Variants in C2CD3 observed in about 807,000 individuals in gnomAD.
C2CD3 encodes C2 domain-containing protein 3.
In C2CD3, 148 loss-of-function variants were observed where a neutral mutation model predicts 234.0. The observed-to-expected ratio is 0.63, with a 90% CI of 0.55 to 0.72. The LOEUF is 0.72. Among genes scored for constraint, C2CD3 ranks in the 30% least tolerant of loss-of-function variants. The pLI, the probability that C2CD3 is intolerant of heterozygous loss-of-function variation, is 0.00. For missense variants in C2CD3, 2,577 were observed against 2,811.5 expected (o/e 0.92, Z 1.89); for synonymous variants, 1,000 against 1,035.4 (o/e 0.97, Z 0.66).
At chr11:74,083,758 A>G (rs527946620) in intron 22 of C2CD3, among the ~76,000 whole-genome samples, 1 of 152,298 alleles carries the variant, frequency 6.6e-6, no homozygotes, top group African/African-American at 2.4e-5. Context: ...ATCTCACACC[A>G]ATTAGAATGG....
intron 16 of C2CD3, among the ~76,000 whole-genome samples, chr11:74,096,349 T>C (rs1057021751): frequency 3.3e-5 from 5 of 152,132 alleles, no homozygotes; most frequent in Admixed American, 6.5e-5. Flanking sequence ...TAACTACTAA[T>C]CCAAAAAATC....
At chr11:74,060,608 C>G (rs1054885575) in intron 24 of C2CD3, among the ~76,000 whole-genome samples, 1 of 152,146 alleles carries the variant, frequency 6.6e-6, no homozygotes, top group African/African-American at 2.4e-5. Flanking sequence ...ACACCAAAAC[C>G]CCATGTGGAC....
chr11:74,125,345 T>C (rs1957375085), intron 7 of C2CD3, among the ~76,000 whole-genome samples: 5 of 152,190 alleles, frequency 3.3e-5, no homozygotes, highest in Admixed American at 3.3e-4. Flanking sequence ...TTAAAAATTT[T>C]TGTAGAGACT....
chr11:74,137,178 T>G lies in C2CD3; in HGVS notation c.955+1542A>C, dbSNP rs147222970. Among the ~76,000 whole-genome samples the G allele has an allele frequency of 9.9e-5, 15 of 152,078 alleles. No individual in the cohort carries two copies. In the East Asian group the frequency reaches 2.9e-3, roughly 30 times the overall value. On this transcript the variant is annotated intron_variant, in intron 5 of 32. Coordinates refer to ENST00000334126, the MANE Select transcript of C2CD3 (RefSeq NM_001286577.2). The stretch of plus-strand genomic sequence containing the variant: ...CTTCCTTTGCCAACCTATGTAAAAC[T>G]AACATCCCCTTCTCTCACCTTCCTG...
In C2CD3 at chr11:74,084,869, C is replaced by G. The variant is rs1955569938; in HGVS notation, c.4000+12G>C. 1 of 1,541,874 alleles carries G rather than the reference C, an allele frequency of 6.5e-7. No individual in the cohort carries two copies. The highest frequency in any genetic ancestry group is 9.0e-7 in the Non-Finnish European group (1 of 1,114,564). On this transcript the variant is annotated intron_variant, in intron 22 of 32. Transcript: ENST00000334126. ...AGGGTGGCATCAGAAAGTGATAATCCAGGATCCTTACCAGATCTCTTGATC... is the reference window on the plus strand; with the variant it reads ...AGGGTGGCATCAGAAAGTGATAATCGAGGATCCTTACCAGATCTCTTGATC...
chr11:74,089,803 G>A (rs560449413), intron 20 of C2CD3, among the ~76,000 whole-genome samples: 1 of 152,296 alleles, frequency 6.6e-6, no homozygotes, highest in Admixed American at 6.5e-5. Flanking sequence ...AACAGAATAT[G>A]TGCTACAACC....
intron 31 of C2CD3, 131 bp downstream of exon 31, chr11:74,033,219 TG>T: frequency 1.5e-6 from 1 of 676,472 alleles, no homozygotes; most frequent in Non-Finnish European, 2.5e-6. Context: ...GTCATGCAGG[TG>T]GGGTCTTCTG....
chr11:74,085,505 A>G (rs1412157296), intron 21 of C2CD3, 113 bp downstream of exon 21: 1 of 1,048,694 alleles, frequency 9.5e-7, no homozygotes, highest in Non-Finnish European at 1.4e-6. Context: ...TAAGTTGCAG[A>G]GATTATGACT....
intron 26 of C2CD3, among the ~76,000 whole-genome samples, chr11:74,050,898 T>C (rs943410938): frequency 5.9e-5 from 9 of 151,478 alleles, no homozygotes; most frequent in Non-Finnish European, 1.3e-4. Context: ...TGTGCCACAA[T>C]AGCAAATCTA....
At chr11:74,077,596 A>G (rs1955092634) in intron 23 of C2CD3, among the ~76,000 whole-genome samples, 1 of 151,208 alleles carries the variant, frequency 6.6e-6, no homozygotes. Flanking sequence ...ACATGGACAC[A>G]GGGAGGGGAA....
intron 24 of C2CD3, among the ~76,000 whole-genome samples, chr11:74,063,434 T>A (rs1373808141): frequency 6.6e-6 from 1 of 151,526 alleles, no homozygotes; most frequent in Non-Finnish European, 1.5e-5. Flanking sequence ...TCCACCATGA[T>A]CAAGTTGGCT....
chr11:74,039,167 T>G (rs1238215071), intron 29 of C2CD3, among the ~76,000 whole-genome samples: 1 of 152,078 alleles, frequency 6.6e-6, no homozygotes, highest in Non-Finnish European at 1.5e-5. Flanking sequence ...TGGGGTAGCT[T>G]TGGGAAATAA....
intron 3 of C2CD3, among the ~76,000 whole-genome samples, chr11:74,150,535 A>ATT (rs1233638287): frequency 1.1e-5 from 1 of 94,604 alleles, no homozygotes; most frequent in Non-Finnish European, 2.0e-5. Context: ...AACAAAACAA[A>ATT]TTTCTAAGCT....
intron 3 of C2CD3, among the ~76,000 whole-genome samples, chr11:74,147,378 C>T (rs1261185748): frequency 6.6e-6 from 1 of 152,130 alleles, no homozygotes. Context: ...GATCTAACCA[C>T]TGCATTCCAG....
intron 24 of C2CD3, among the ~76,000 whole-genome samples, chr11:74,070,060 C>T (rs1954724278): frequency 6.6e-6 from 1 of 152,168 alleles, no homozygotes. Flanking sequence ...GCTGATTTTA[C>T]TTTTTACTGA....
intron 23 of C2CD3, among the ~76,000 whole-genome samples, chr11:74,075,846 G>C (rs879848365): frequency 4.6e-5 from 7 of 152,202 alleles, no homozygotes; most frequent in Non-Finnish European, 1.0e-4. Flanking sequence ...AGGTTGGATG[G>C]ATGGCTTGAC....
intron 28 of C2CD3, among the ~76,000 whole-genome samples, chr11:74,043,466 G>C (rs1186762823): frequency 6.6e-6 from 1 of 152,232 alleles, no homozygotes; most frequent in South Asian, 2.1e-4. Flanking sequence ...TTTTTGTGTG[G>C]ACATTTGTTT....
At chr11:74,048,085 A>C (rs1953474389) in intron 28 of C2CD3, 120 bp downstream of exon 28, 2 of 1,102,912 alleles carry the variant, frequency 1.8e-6, no homozygotes, top group East Asian at 5.2e-5. Flanking sequence ...ACAGAAGATC[A>C]ACAAAGCTCT....
chr11:74,037,234 A>C (rs184029735), intron 30 of C2CD3, among the ~76,000 whole-genome samples: 1 of 152,050 alleles, frequency 6.6e-6, no homozygotes, highest in Non-Finnish European at 1.5e-5. Context: ...CTAAGTCTGT[A>C]CCAGAAGCCC....
Sources: allele counts gnomAD v4.1 joint callset (sites outside exome capture counted in the v4.1 genomes callset), GRCh38; gene constraint gnomAD v4.1.1; transcripts MANE v1.5; gene names NCBI Gene and HGNC (gene_info 2026-07-23, HGNC 2026-07-21).